The following ASAP2 variants were observed in gnomAD, a reference collection of about 807,000 sequenced individuals.
The protein encoded by ASAP2 is arf-GAP with SH3 domain, ANK repeat and PH domain-containing protein 2.
Under a neutral mutation model 131.4 loss-of-function variants are expected in ASAP2, and 45 were observed. The observed-to-expected ratio is 0.34, with a 90% confidence interval of 0.27 to 0.44. The LOEUF is 0.44. Among genes scored for constraint, ASAP2 ranks in the 20% least tolerant of loss-of-function variants. ASAP2 has a pLI of 1.00. For missense variants in ASAP2, 1,011 were observed against 1,297.0 expected (o/e 0.78, Z 3.39); for synonymous variants, 510 against 503.0 (o/e 1.01, Z -0.19).
At chr2:9,351,775 G>A (rs1672349072) in intron 12 of ASAP2, among the ~76,000 whole-genome samples, 1 of 152,164 alleles carries the variant, frequency 6.6e-6, no homozygotes, top group Admixed American at 6.5e-5. Flanking sequence ...GCAAACTGCG[G>A]GTAATTATCA....
chr2:9,294,954 TGGCCACCAGCC>T (rs1668063448), intron 2 of ASAP2, among the ~76,000 whole-genome samples: 1 of 152,222 alleles, frequency 6.6e-6, no homozygotes, highest in South Asian at 2.1e-4. Context: ...TGCCTGCCTG[TGGCCACCAGCC>T]CCCTTCCTGA....
intron 6 of ASAP2, among the ~76,000 whole-genome samples, chr2:9,326,476 GA>G (rs61129624): frequency 0.38 from 58,331 of 151,920 alleles, 11,922 homozygotes; most frequent in African/African-American, 0.52. Context: ...GAAGGCGTGA[GA>G]AGATCCTCTG....
chr2:9,271,589 C>CA (rs1666401312), intron 1 of ASAP2: 1 of 1,464,782 alleles, frequency 6.8e-7, no homozygotes, highest in Non-Finnish European at 9.4e-7. Context: ...CTTGCATCAG[C>CA]AAAGGAGTTT....
chr2:9,380,977 T>C (rs1674794368), intron 20 of ASAP2, among the ~76,000 whole-genome samples, 169 bp downstream of exon 20: 1 of 151,926 alleles, frequency 6.6e-6, no homozygotes, highest in Admixed American at 6.5e-5. Flanking sequence ...TGCTAGGGAG[T>C]CTACAGGGAA....
At chr2:9,265,702 T>C (rs1665890771) in intron 1 of ASAP2, among the ~76,000 whole-genome samples, 1 of 152,190 alleles carries the variant, frequency 6.6e-6, no homozygotes, top group East Asian at 1.9e-4. Flanking sequence ...TTTTCTTTGC[T>C]TTTACAATTT....
rs1676589877 is a variant in ASAP2 at position 9,400,735 on chromosome 2, C to T, written c.2735-7C>T. On this transcript the variant is annotated splice_region_variant and splice_polypyrimidine_tract_variant and intron_variant, in intron 25 of 27. Coordinates refer to ENST00000281419, the MANE Select transcript of ASAP2 (RefSeq NM_003887.3). ...ATGTCTTAAGCTGCTTCATTTTTGC[C>T]CTACAGTGGATCTCTCTGCAACGGA... The T allele has an allele frequency of 6.2e-7, 1 of 1,611,980 alleles. No individual in the cohort carries two copies.
At chr2:9,228,091 G>A (rs6747915) in intron 1 of ASAP2, among the ~76,000 whole-genome samples, 33,795 of 152,086 alleles carry the variant, frequency 0.22, 4,019 homozygotes, top group African/African-American at 0.28. Flanking sequence ...ATGGAATGGG[G>A]GTGAATCTTT....
At chr2:9,243,030 C>T (rs1244098951) in intron 1 of ASAP2, among the ~76,000 whole-genome samples, 5 of 152,172 alleles carry the variant, frequency 3.3e-5, no homozygotes, top group African/African-American at 7.2e-5. Flanking sequence ...AAGAAGCATA[C>T]GGATTAACAA....
chr2:9,400,786 A>G lies in ASAP2; in HGVS notation c.2779A>G (p.Met927Val), dbSNP rs41264169. 5.4e-3 allele frequency: 8,636 copies of G among 1,613,660 alleles called. 37 individuals are homozygous for G. The highest frequency in any genetic ancestry group is 6.7e-3 in the Non-Finnish European group (7,941 of 1,179,942). The change falls in exon 26 of 28, where the codon ATG becomes GTG. Residue 927 changes from methionine to valine, a missense_variant. Physicochemically the swap from Met to Val is conservative, Grantham distance 21 (BLOSUM62 1). Transcript: ENST00000281419. ...TEALGPLSNA[M>V]VLQPPAPMPR... ...AGCTCTGGGTCCTCTGTCCAATGCT[A>G]TGGTCCTGCAGCCCCCTGCACCCAT...
chr2:9,250,526 C>G lies in ASAP2; in HGVS notation c.127-28791C>G, dbSNP rs953002529. Among the ~76,000 whole-genome samples, 42 of 152,280 alleles carry G rather than the reference C, an allele frequency of 2.8e-4. 1 individual carries two copies. Among genetic ancestry groups the G allele is most frequent in the African/African-American group, 1.0e-3 (42 of 41,548 alleles). ...CCTTGGGAGGTGTAAAAGTGTTTTC[C>G]CATTCCACAGAGGGTACAAAAGGAT... On this transcript the variant is annotated intron_variant, in intron 1 of 27. Coordinates refer to ENST00000281419, the MANE Select transcript of ASAP2 (RefSeq NM_003887.3).
intron 24 of ASAP2, among the ~76,000 whole-genome samples, chr2:9,393,894 T>G (rs949881761): frequency 6.6e-6 from 1 of 152,344 alleles, no homozygotes; most frequent in Middle Eastern, 3.4e-3. Flanking sequence ...CACACAAGGC[T>G]TCTGGGTTCT....
chr2:9,356,644 AC>A (rs1315165628), intron 14 of ASAP2, among the ~76,000 whole-genome samples: 1 of 152,078 alleles, frequency 6.6e-6, no homozygotes, highest in Non-Finnish European at 1.5e-5. Context: ...GTGAGAGTGA[AC>A]TCAAGGTCAT....
At chr2:9,358,647 A>C in intron 14 of ASAP2, 109 bp from the exon 15 acceptor site, 1 of 1,372,122 alleles carries the variant, frequency 7.3e-7, no homozygotes, top group Non-Finnish European at 9.8e-7. Flanking sequence ...AAGGATCAGA[A>C]AATGCTCATG....
At chr2:9,368,155 C>A (rs1673625961) in intron 15 of ASAP2, among the ~76,000 whole-genome samples, 1 of 152,174 alleles carries the variant, frequency 6.6e-6, no homozygotes, top group Non-Finnish European at 1.5e-5. Context: ...TCACATTGGA[C>A]CAAGTTACTG....
At chr2:9,288,250 A>T (rs183777123) in intron 2 of ASAP2, among the ~76,000 whole-genome samples, 346 of 152,338 alleles carry the variant, frequency 2.3e-3, no homozygotes, top group Middle Eastern at 0.02. Context: ...AATCAACACG[A>T]TGACTTCATC....
intron 9 of ASAP2, among the ~76,000 whole-genome samples, chr2:9,338,583 C>T (rs976219287): frequency 6.6e-6 from 1 of 152,196 alleles, no homozygotes; most frequent in South Asian, 2.1e-4. Context: ...GCTCTGGCCT[C>T]CATGTCACCC....
chr2:9,207,300 T>G lies in ASAP2; in HGVS notation c.126+70T>G. The G allele has an allele frequency of 1.4e-6, 2 of 1,445,066 alleles. No individual in the cohort carries two copies. The highest frequency in any genetic ancestry group is 1.8e-6 in the Non-Finnish European group (2 of 1,101,000). The allele number at this position is 1,445,066 out of a possible 1,614,324, so 89.5% of individuals were successfully genotyped here. ...CCCAGCCCCGCCCGCCGCTCCCGCATCCGCATCCCGAGAAAACTTTCTTTG... is the reference window on the plus strand; with the variant it reads ...CCCAGCCCCGCCCGCCGCTCCCGCAGCCGCATCCCGAGAAAACTTTCTTTG... On this transcript the variant is annotated intron_variant, in intron 1 of 27. Transcript: ENST00000281419. The surrounding 1 kb of genome is among the most constrained non-coding windows in gnomAD (Gnocchi z 4.1).
intron 1 of ASAP2, among the ~76,000 whole-genome samples, chr2:9,257,659 C>A (rs1665258191): frequency 6.6e-6 from 1 of 152,156 alleles, no homozygotes; most frequent in African/African-American, 2.4e-5. Context: ...GCTGGGAGTA[C>A]AAACTCACGC....
intron 14 of ASAP2, 43 bp downstream of exon 14, chr2:9,356,388 C>A: frequency 6.6e-7 from 1 of 1,506,398 alleles, no homozygotes; most frequent in South Asian, 1.3e-5. Flanking sequence ...TAGGACATTT[C>A]AATCCCATTC....
Sources: allele counts gnomAD v4.1 joint callset (sites outside exome capture counted in the v4.1 genomes callset), GRCh38; gene constraint gnomAD v4.1.1; non-coding constraint Gnocchi (gnomAD v3.1); transcripts MANE v1.5; gene names NCBI Gene and HGNC (gene_info 2026-07-23, HGNC 2026-07-21).